The following SLC30A7 variants were observed in gnomAD, a reference collection of about 807,000 sequenced individuals.
SLC30A7 encodes zinc transporter 7.
Under a neutral mutation model 46.0 loss-of-function variants are expected in SLC30A7, and 35 were observed. The observed-to-expected ratio is 0.76, with a 90% CI of 0.58 to 1.01. The LOEUF is 1.01. Ranked by LOEUF, SLC30A7 falls within the 50% of genes least tolerant of loss-of-function variation. SLC30A7 has a pLI of 0.00. For missense variants in SLC30A7, 464 were observed against 451.1 expected, an observed-to-expected ratio of 1.03 and a Z score of -0.26; for synonymous variants, 147 against 157.8, an observed-to-expected ratio of 0.93 and a Z score of 0.51.
intron 2 of SLC30A7, among the ~76,000 whole-genome samples, chr1:100,904,102 A>T (rs1486964170): frequency 6.6e-6 from 1 of 152,076 alleles, no homozygotes; most frequent in Admixed American, 6.6e-5. Context: ...TATTGAAGTG[A>T]TGGCTAAATT....
At chr1:100,952,030 A>G (rs975892349) in intron 8 of SLC30A7, among the ~76,000 whole-genome samples, 1 of 152,208 alleles carries the variant, frequency 6.6e-6, no homozygotes, top group Admixed American at 6.5e-5. Context: ...GGCTTTGAAG[A>G]TGGAGGAAGA....
rs1036323291 is a variant in SLC30A7 at position 100,907,087 on chromosome 1, C to G, written c.296+122C>G. The G allele has an allele frequency of 6.3e-6, 4 of 636,112 alleles. No individual in the cohort carries two copies. The African/African-American group carries it at 7.4e-5, about 12-fold the overall frequency. The allele number at this position is 636,112 out of a possible 1,614,324, so 39.4% of individuals were successfully genotyped here. ...AGGTGTAACTTTTGAATCTTTGAAG[C>G]CCCCACTCAGGCCTCTTCGAGTTCC... is the stretch of plus-strand genomic sequence containing the variant. On this transcript the variant is annotated intron_variant, in intron 3 of 10. Transcript: ENST00000357650.
chr1:100,941,652 T>C (rs767463211), intron 8 of SLC30A7: 12 of 613,186 alleles, frequency 2.0e-5, no homozygotes, highest in Non-Finnish European at 3.4e-5. Context: ...TTTTTCACAG[T>C]TAAGTGGGCA....
chr1:100,950,785 C>A (rs1654909602), intron 8 of SLC30A7, among the ~76,000 whole-genome samples: 1 of 152,072 alleles, frequency 6.6e-6, no homozygotes, highest in African/African-American at 2.4e-5. Context: ...TGATGAAATC[C>A]TATTTTAGTT....
intron 9 of SLC30A7, among the ~76,000 whole-genome samples, chr1:100,965,282 T>C (rs545110117): frequency 9.2e-5 from 14 of 152,354 alleles, no homozygotes; most frequent in Admixed American, 6.5e-4. Flanking sequence ...CTTTTGGTTG[T>C]TGATCTTATT....
intron 8 of SLC30A7, among the ~76,000 whole-genome samples, chr1:100,931,954 C>T (rs746397553): frequency 8.5e-5 from 13 of 152,138 alleles, no homozygotes; most frequent in Non-Finnish European, 1.9e-4. Flanking sequence ...TTAATCTAAC[C>T]CTACCATTTT....
At chr1:100,909,077 T>A (rs1346539198) in intron 3 of SLC30A7, among the ~76,000 whole-genome samples, 1 of 151,818 alleles carries the variant, frequency 6.6e-6, no homozygotes, top group Non-Finnish European at 1.5e-5. Flanking sequence ...GTGTGTTTTC[T>A]TTTGGGAAAG....
intron 8 of SLC30A7, among the ~76,000 whole-genome samples, chr1:100,936,354 G>A (rs1254153811): frequency 6.6e-6 from 1 of 152,028 alleles, no homozygotes; most frequent in Non-Finnish European, 1.5e-5. Context: ...AAGTATATGG[G>A]TATCCCCAAG....
chr1:100,961,997 A>G (rs749932198), intron 9 of SLC30A7, 79 bp downstream of exon 9: 5 of 808,072 alleles, frequency 6.2e-6, no homozygotes, highest in Non-Finnish European at 1.0e-5. Context: ...AAATATGGGT[A>G]ACATGTGTGT....
chr1:100,970,011 A>C (rs1267015480), intron 10 of SLC30A7, among the ~76,000 whole-genome samples: 1 of 152,204 alleles, frequency 6.6e-6, no homozygotes, highest in African/African-American at 2.4e-5. Context: ...ATTTAAAAAA[A>C]ATTTTGATCT....
At chr1:100,945,936 A>G (rs1654610795) in intron 8 of SLC30A7, among the ~76,000 whole-genome samples, 1 of 152,134 alleles carries the variant, frequency 6.6e-6, no homozygotes. Flanking sequence ...ATGTTCTTCT[A>G]TTCATTTGTG....
In SLC30A7 at chr1:100,939,122, A is replaced by G. The variant is rs1475718916; in HGVS notation, c.842+17281A>G. Reference sequence around the variant, plus strand: ...GTAACACTAGAGGCATTACTACCAAAATAGGGAACTAGACAAGGATTCTCT... The same window carrying G: ...GTAACACTAGAGGCATTACTACCAAGATAGGGAACTAGACAAGGATTCTCT... On this transcript the variant is annotated intron_variant, in intron 8 of 10. Coordinates refer to ENST00000357650, the MANE Select transcript of SLC30A7 (RefSeq NM_133496.5). 2.0e-5 allele frequency among the ~76,000 whole-genome samples: 3 copies of G among 152,330 alleles called. No individual in the cohort carries two copies. The East Asian group carries it at 5.8e-4, about 29-fold the overall frequency.
At chr1:100,914,026 A>C (rs894575811) in intron 6 of SLC30A7, among the ~76,000 whole-genome samples, 1 of 152,216 alleles carries the variant, frequency 6.6e-6, no homozygotes, top group Non-Finnish European at 1.5e-5. Context: ...GGTATATCAT[A>C]ATAAAATGCC....
At chr1:100,930,817 A>G (rs959585130) in intron 8 of SLC30A7, among the ~76,000 whole-genome samples, 1 of 152,096 alleles carries the variant, frequency 6.6e-6, no homozygotes, top group African/African-American at 2.4e-5. Flanking sequence ...ACATTATTGC[A>G]TAGTTATTGT....
At chr1:100,900,189 A>G (rs1448532136) in intron 2 of SLC30A7, among the ~76,000 whole-genome samples, 1 of 152,106 alleles carries the variant, frequency 6.6e-6, no homozygotes, top group African/African-American at 2.4e-5. Flanking sequence ...CTGTGTTTTT[A>G]TGTTCTTACA....
Position 100,896,113 on chromosome 1 carries a change from T to C in SLC30A7, c.-150T>C. ...CCGGAAGTAAGCGAATTCCCGGGTG[T>C]GTGTCTGTGTCTGTCTGTGTCTCGC... On this transcript the variant is annotated 5_prime_UTR_variant, in exon 1 of 11. Coordinates refer to ENST00000357650, the MANE Select transcript of SLC30A7 (RefSeq NM_133496.5). 1.0e-5 allele frequency: 7 copies of C among 672,280 alleles called. No individual in the cohort carries two copies. The highest frequency in any genetic ancestry group is 2.7e-6 in the Non-Finnish European group (1 of 375,244). The allele number at this position is 672,280 out of a possible 1,614,324, so 41.6% of individuals were successfully genotyped here.
At chr1:100,948,185 G>T (rs1366715126) in intron 8 of SLC30A7, among the ~76,000 whole-genome samples, 1 of 152,108 alleles carries the variant, frequency 6.6e-6, no homozygotes, top group East Asian at 1.9e-4. Context: ...AGTGGCTGGT[G>T]CTGGTTGTTC....
chr1:100,935,696 T>A (rs1653925401), intron 8 of SLC30A7, among the ~76,000 whole-genome samples: 1 of 152,176 alleles, frequency 6.6e-6, no homozygotes, highest in Non-Finnish European at 1.5e-5. Flanking sequence ...CTAAAAAAAA[T>A]TAATAGCTTT....
intron 4 of SLC30A7, among the ~76,000 whole-genome samples, chr1:100,911,529 A>T (rs551921321): frequency 6.6e-6 from 1 of 152,162 alleles, no homozygotes; most frequent in East Asian, 1.9e-4. Flanking sequence ...CTTAAAATGA[A>T]ATGCAGTATT....
Sources: gnomAD v4.1 joint callset for allele counts (sites outside exome capture counted in the v4.1 genomes callset) on GRCh38, gnomAD v4.1.1 for gene constraint, MANE v1.5 for transcripts, NCBI Gene and HGNC (gene_info 2026-07-23, HGNC 2026-07-21) for gene names.